The following IGFN1 variants were observed in gnomAD, a reference collection of about 807,000 sequenced individuals.
IGFN1 encodes immunoglobulin-like and fibronectin type III domain-containing protein 1.
IGFN1 carries 253 observed loss-of-function variants against 289.5 expected under a neutral mutation model. The observed-to-expected ratio is 0.87, with a 90% CI of 0.79 to 0.97. The LOEUF (loss-of-function observed/expected upper bound fraction) is 0.97. Among genes scored for constraint, IGFN1 ranks in the 50% least tolerant of loss-of-function variants. The probability of loss-of-function intolerance (pLI) is 0.00; values close to 1 mark genes in which losing one functional copy is unlikely to be tolerated. For synonymous variants in IGFN1, 1,706 were observed against 1,788.5 expected (o/e 0.95, Z 1.16); for missense variants, 4,470 against 4,686.1 (o/e 0.95, Z 1.35).
Position 201,195,897 on chromosome 1 carries a change from G to T in IGFN1, c.186G>T (p.Trp62Cys). The T allele has an allele frequency of 1.3e-6, 2 of 1,551,694 alleles. No homozygotes were observed. Among genetic ancestry groups the T allele is most frequent in the South Asian group, 2.4e-5 (2 of 84,044 alleles). ...GGGAGCCCAGGCCCGAGGTGCGTTG[G>T]CAGAACTCCAAAGGTGACCTCAGTG... ...VCGEPRPEVR[W>C]QNSKGDLSDS... is the part of the protein sequence containing the mutation. The change falls in exon 4 of 24, where the codon TGG becomes TGT. Residue 62 changes from tryptophan (W) to cysteine (C), a missense_variant. Transcript: ENST00000335211.
rs898398585 is a variant in IGFN1 at position 201,211,757 on chromosome 1, T to G, written c.6864T>G (p.Asn2288Lys). Residue 2288 changes from asparagine to lysine, a missense_variant, in exon 12 of 24, where the codon AAT becomes AAG. Physicochemically the swap from Asn to Lys is moderately conservative, Grantham distance 94. Around this residue, in one of 8 missense-constraint regions of IGFN1, gnomAD observed 2,218 missense variants for 2,114.1 expected, o/e 1.05. Coordinates refer to ENST00000335211, the MANE Select transcript of IGFN1 (RefSeq NM_001164586.2). ...CAGGGGATGAGGCAGGTTATAAGAA[T>G]GTTTTAGGGGGTTCTGGGAGGAATC... is the stretch of plus-strand genomic sequence containing the variant. ...ISSGDEAGYK[N>K]VLGGSGRNPL... The G allele has an allele frequency of 2.0e-6, 3 of 1,536,774 alleles. No homozygotes were observed. The highest frequency in any genetic ancestry group is 2.0e-5 in the Admixed American group (1 of 50,950).
rs770508114 is a variant in IGFN1 at position 201,221,497 on chromosome 1, A to T, written c.9952A>T (p.Ile3318Phe). 6.2e-7 allele frequency: 1 copy of T among 1,613,350 alleles called. No homozygotes were observed. The highest frequency in any genetic ancestry group is 1.1e-5 in the South Asian group (1 of 90,860). Residue 3318 changes from isoleucine to phenylalanine, a missense_variant, in exon 19 of 24, where the codon ATC (isoleucine) becomes TTC (phenylalanine). By Grantham distance (21) the Ile-to-Phe change is conservative. Coordinates refer to ENST00000335211, the MANE Select transcript of IGFN1 (RefSeq NM_001164586.2). ...LQVTDRSNTS[I>F]TLSWAGPDTQ... ...AGTCACAGACAGATCGAACACCAGC[A>T]TCACTCTGAGCTGGGCTGGGCCAGA...
chr1:201,205,941 G>T (rs1169733010), intron 11 of IGFN1, 142 bp from the exon 12 acceptor site: 2 of 648,690 alleles, frequency 3.1e-6, no homozygotes, highest in East Asian at 2.7e-5. Context: ...TGGTCACCTT[G>T]CTTCTCTCCT....
chr1:201,224,967 C>A, intron 21 of IGFN1, 93 bp downstream of exon 21: 1 of 889,418 alleles, frequency 1.1e-6, no homozygotes. Flanking sequence ...GTCTCAGCCA[C>A]TCTACCAGGG....
chr1:201,194,711 G>A (rs571657682), intron 3 of IGFN1, among the ~76,000 whole-genome samples: 13 of 152,310 alleles, frequency 8.5e-5, no homozygotes, highest in Non-Finnish European at 1.6e-4. Context: ...GCTCAGGAAG[G>A]CCCTTCTAGA....
At position 201,216,525 on chromosome 1, in the gene IGFN1, C is replaced by T. The variant is rs760179830; in HGVS notation, c.9367C>T (p.Arg3123Trp). Residue 3123 changes from arginine to tryptophan, a missense_variant, in exon 16 of 24, where the codon CGG (arginine) becomes TGG (tryptophan). Coordinates refer to ENST00000335211, the MANE Select transcript of IGFN1 (RefSeq NM_001164586.2). The stretch of plus-strand genomic sequence containing the variant: ...TAGGGCTGGCGTCTGCCTCCGCTGG[C>T]GGCCCCCAAGGGACAATGGGGGCCG... ...CHRAGVCLRW[R>W]PPRDNGGRTV... is the part of the protein sequence containing the mutation. 1.4e-5 allele frequency: 23 copies of T among 1,610,432 alleles called. 1 individual carries two copies. The highest frequency in any genetic ancestry group is 1.7e-4 in the Middle Eastern group (1 of 6,046).
rs1667057899 is a variant in IGFN1 at position 201,199,506 on chromosome 1, C to T, written c.413-103C>T. 6 of 1,415,692 alleles carry T rather than the reference C, an allele frequency of 4.2e-6. No individual in the cohort carries two copies. The Admixed American group carries it at 6.0e-5, about 14-fold the overall frequency. The allele number at this position is 1,415,692 out of a possible 1,614,324, so 87.7% of individuals were successfully genotyped here. ...TCACCACCAGTCTTCAAGAGAGCCC[C>T]TTCCAAAGGCTCAGTTGTCAGCATG... On this transcript the variant is annotated intron_variant, in intron 6 of 23. Coordinates refer to ENST00000335211, the MANE Select transcript of IGFN1 (RefSeq NM_001164586.2).
At chr1:201,199,776 C>A in intron 7 of IGFN1, 122 bp downstream of exon 7, 2 of 775,086 alleles carry the variant, frequency 2.6e-6, no homozygotes, top group South Asian at 1.8e-5. Context: ...AGCTAGACTG[C>A]CAGTAGCAGA....
chr1:201,212,012 A>T lies in IGFN1; in HGVS notation c.7119A>T (p.Gly2373=). 1 of 1,536,038 alleles carries T rather than the reference A, an allele frequency of 6.5e-7. No homozygotes were observed. Among genetic ancestry groups the T allele is most frequent in the African/African-American group, 1.4e-5 (1 of 73,048 alleles). Residue 2373 remains glycine, a synonymous_variant, in exon 12 of 24, where the codon GGA becomes GGT. Coordinates refer to ENST00000335211, the MANE Select transcript of IGFN1 (RefSeq NM_001164586.2). ...TTGGAGTACCAGGCTCACTGGCTGG[A>T]ATAGGACATGAGGCTGGACCCAGAG... ...GRLGVPGSLA[G]IGHEAGPRGH...
Position 201,207,849 on chromosome 1 carries a change from G to A in IGFN1, c.2956G>A (p.Gly986Ser), listed in dbSNP as rs376049177. The A allele has an allele frequency of 5.4e-5, 83 of 1,535,928 alleles. No homozygotes were observed. Among genetic ancestry groups the A allele is most frequent in the East Asian group, 9.8e-5 (4 of 40,888 alleles). ...GSGVPGEMGS[G>S]HGAGCRVSPR... ...AGGGGTTCCAGGAGAAATGGGGTCCGGCCATGGTGCTGGTTGTAGAGTTTC... is the reference window on the plus strand; with the variant it reads ...AGGGGTTCCAGGAGAAATGGGGTCCAGCCATGGTGCTGGTTGTAGAGTTTC... Residue 986 changes from glycine (G) to serine (S), a missense_variant, in exon 12 of 24, where the codon GGC (glycine) becomes AGC (serine). This residue lies in a region of IGFN1 where 2,011 missense variants were observed against 1,953.4 expected (regional missense o/e 1.03). Coordinates refer to ENST00000335211, the MANE Select transcript of IGFN1 (RefSeq NM_001164586.2).
intron 3 of IGFN1, 108 bp from the exon 4 acceptor site, chr1:201,195,731 A>G (rs1558132538): frequency 8.4e-7 from 1 of 1,193,692 alleles, no homozygotes; most frequent in Non-Finnish European, 1.1e-6. Flanking sequence ...TGGAAGGGGC[A>G]GTTGAAATAC....
At position 201,207,128 on chromosome 1, in the gene IGFN1, T is replaced by C; in HGVS notation, c.2235T>C (p.Pro745=). The change falls in exon 12 of 24, where the codon CCT becomes CCC. Residue 745 remains proline (P), a synonymous_variant. Coordinates refer to ENST00000335211, the MANE Select transcript of IGFN1 (RefSeq NM_001164586.2). ...AATTCCTTCTGGGAGATGGGAGTCC[T>C]GAGATCAAAGCTGAAGACTCACTGC... is the stretch of plus-strand genomic sequence containing the variant. ...GRKFLLGDGS[P]EIKAEDSLQE... The C allele has an allele frequency of 6.5e-7, 1 of 1,536,982 alleles. No individual in the cohort carries two copies. The highest frequency in any genetic ancestry group is 1.2e-5 in the South Asian group (1 of 84,062).
Position 201,206,370 on chromosome 1 carries a change from C to A in IGFN1, c.1477C>A (p.Pro493Thr), listed in dbSNP as rs1311967891. The A allele has an allele frequency of 6.4e-7, 1 of 1,550,406 alleles. No homozygotes were observed. The highest frequency in any genetic ancestry group is 8.7e-7 in the Non-Finnish European group (1 of 1,147,000). The change falls in exon 12 of 24, where the codon CCA (proline) becomes ACA (threonine). Residue 493 changes from proline to threonine, a missense_variant. Physicochemically the swap from Pro to Thr is conservative, Grantham distance 38 (BLOSUM62 -1). This residue lies in a region of IGFN1 where 2,011 missense variants were observed against 1,953.4 expected (regional missense o/e 1.03). Transcript: ENST00000335211. Reference sequence around the variant, plus strand: ...CCCTGGACAGGAGGGCGAGGGCTTTCCAGTAGCAGAGGGAAGCAGAGCCAC... The same window carrying A: ...CCCTGGACAGGAGGGCGAGGGCTTTACAGTAGCAGAGGGAAGCAGAGCCAC... Reference protein sequence around the residue: ...WGPGQEGEGFPVAEGSRATLP... With the variant: ...WGPGQEGEGFTVAEGSRATLP...
intron 16 of IGFN1, 123 bp from the exon 17 acceptor site, chr1:201,217,164 A>C: frequency 1.2e-6 from 1 of 839,332 alleles, no homozygotes; most frequent in Non-Finnish European, 1.9e-6. Context: ...CAGCCCCGAC[A>C]CTCACCAGGA....
intron 5 of IGFN1, among the ~76,000 whole-genome samples, chr1:201,199,021 T>A (rs1667033227): frequency 6.6e-6 from 1 of 152,224 alleles, no homozygotes; most frequent in Non-Finnish European, 1.5e-5. Flanking sequence ...TTTGTTGTGG[T>A]TGCCAGTGTC....
Position 201,205,353 on chromosome 1 carries a change from A to G in IGFN1, c.1188A>G (p.Glu396=), listed in dbSNP as rs1478827842. ...LYTSSAWLVV[E]AGKDKDLQST... ...CTTCCAGCGCCTGGCTGGTGGTTGAAGGTGAGTGCTTCAAAACTCTGTCTT... is the reference window on the plus strand; with the variant it reads ...CTTCCAGCGCCTGGCTGGTGGTTGAGGGTGAGTGCTTCAAAACTCTGTCTT... Residue 396 remains glutamate, a splice_region_variant and synonymous_variant, in exon 11 of 24, where the codon GAA becomes GAG. Transcript: ENST00000335211. The G allele has an allele frequency of 6.5e-7, 1 of 1,529,710 alleles. No individual in the cohort carries two copies. The highest frequency in any genetic ancestry group is 8.8e-7 in the Non-Finnish European group (1 of 1,133,074). The allele number at this position is 1,529,710 out of a possible 1,614,324, so 94.8% of individuals were successfully genotyped here. A position where few individuals can be genotyped will look rare whatever the true frequency, so the allele number is the denominator to read the frequency against.
chr1:201,228,471 C>G lies in IGFN1; in HGVS notation c.*72C>G. ...CGACACCTGCACTGGCCCGGGAAGC[C>G]AATCCCAAGGATGGAGGCTGTGCCC... On this transcript the variant is annotated 3_prime_UTR_variant, in exon 24 of 24. Transcript: ENST00000335211. 6.7e-7 allele frequency: 1 copy of G among 1,501,774 alleles called. No individual in the cohort carries two copies. Among genetic ancestry groups the G allele is most frequent in the South Asian group, 1.1e-5 (1 of 88,954 alleles). The allele number at this position is 1,501,774 out of a possible 1,614,324, so 93.0% of individuals were successfully genotyped here.
rs1389464424 is a variant in IGFN1 at position 201,211,487 on chromosome 1, T to G, written c.6594T>G (p.Asp2198Glu). 6.7e-7 allele frequency: 1 copy of G among 1,499,594 alleles called. No homozygotes were observed. The highest frequency in any genetic ancestry group is 8.9e-7 in the Non-Finnish European group (1 of 1,126,126). The allele number at this position is 1,499,594 out of a possible 1,614,324, so 92.9% of individuals were successfully genotyped here. A position where few individuals can be genotyped will look rare whatever the true frequency, so the allele number is the denominator to read the frequency against. ...CAGGGAGTAAGGCAGGTTTCAGGGATGGTTTAGGGGGTTCTGAAGAAATGG... is the reference window on the plus strand; with the variant it reads ...CAGGGAGTAAGGCAGGTTTCAGGGAGGGTTTAGGGGGTTCTGAAGAAATGG... ...MGSGSKAGFRDGLGGSEEMGS... is the reference protein window; with the variant it reads ...MGSGSKAGFREGLGGSEEMGS... The change falls in exon 12 of 24, where the codon GAT becomes GAG. Residue 2198 changes from aspartate to glutamate, a missense_variant. This residue lies in a region of IGFN1 where 2,218 missense variants were observed against 2,114.1 expected (regional missense o/e 1.05). Coordinates refer to ENST00000335211, the MANE Select transcript of IGFN1 (RefSeq NM_001164586.2).
chr1:201,211,923 T>C lies in IGFN1; in HGVS notation c.7030T>C (p.Ser2344Pro). Residue 2344 changes from serine (S) to proline (P), a missense_variant, in exon 12 of 24, where the codon TCA becomes CCA. By Grantham distance (74) the Ser-to-Pro change is moderately conservative (BLOSUM62 -1). Around this residue, in one of 8 missense-constraint regions of IGFN1, gnomAD observed 2,218 missense variants for 2,114.1 expected, o/e 1.05. Transcript: ENST00000335211. ...GAGTGAGGTCAGTTATAGAGGAGGC[T>C]CAGGAGGATCTGGGGAAACGGGACC... ...SGSEVSYRGG[S>P]GGSGETGPEG... 3 of 1,526,924 alleles carry C rather than the reference T, an allele frequency of 2.0e-6. No individual in the cohort carries two copies. In the South Asian group the frequency reaches 3.7e-5, roughly 19 times the overall value. The allele number at this position is 1,526,924 out of a possible 1,614,324, so 94.6% of individuals were successfully genotyped here.
Sources: allele counts gnomAD v4.1 joint callset (sites outside exome capture counted in the v4.1 genomes callset), GRCh38; gene constraint gnomAD v4.1.1; regional missense constraint gnomAD v4.1.1; transcripts MANE v1.5; gene names NCBI Gene and HGNC (gene_info 2026-07-23, HGNC 2026-07-21).